The following NPHP3 variants were observed in gnomAD, a reference collection of about 807,000 sequenced individuals.
The protein encoded by NPHP3 is nephrocystin 3.
Under a neutral mutation model 171.9 loss-of-function variants are expected in NPHP3, and 123 were observed. The observed-to-expected ratio is 0.72, with a 90% CI of 0.62 to 0.83. NPHP3 has a LOEUF of 0.83. Among genes scored for constraint, NPHP3 ranks in the 40% least tolerant of loss-of-function variants. NPHP3 has a pLI of 0.00. For missense variants in NPHP3, 1,506 were observed against 1,591.9 expected, an observed-to-expected ratio of 0.95 and a Z score of 0.92; for synonymous variants, 558 against 579.2, an observed-to-expected ratio of 0.96 and a Z score of 0.52.
intron 14 of NPHP3, 29 bp from the exon 15 acceptor site, chr3:132,696,842 C>T: frequency 6.3e-7 from 1 of 1,595,178 alleles, no homozygotes. Flanking sequence ...AAAAACAAAA[C>T]AGAAATACAA....
rs1156623591 is a variant in NPHP3 at position 132,682,248 on chromosome 3, A to C, written c.3813-158T>G. ...AAGCAGACCAGTAAAACAACACCCA[A>C]ACTCTTCTCCTTTCTACCAGTATCA... On this transcript the variant is annotated intron_variant, in intron 26 of 26. Transcript: ENST00000337331. 6 of 665,662 alleles carry C rather than the reference A, an allele frequency of 9.0e-6. 1 individual carries two copies. The East Asian group carries it at 1.4e-4, about 15-fold the overall frequency. 41.2% of individuals were successfully genotyped at this position (665,662 alleles called of 1,614,324 possible).
rs1321179599 is a variant in NPHP3 at position 132,694,809 on chromosome 3, A to G, written c.2310+18T>C. ...AAAGCAAACTAACATTCCTTTTTAT[A>G]AGTTTATTACATTCTACCTGCTTCA... On this transcript the variant is annotated intron_variant, in intron 16 of 26. Coordinates refer to ENST00000337331, the MANE Select transcript of NPHP3 (RefSeq NM_153240.5). 6.2e-7 allele frequency: 1 copy of G among 1,611,440 alleles called. No homozygotes were observed. The highest frequency in any genetic ancestry group is 1.1e-5 in the South Asian group (1 of 91,062).
At chr3:132,696,675 G>T in intron 15 of NPHP3, 56 bp downstream of exon 15, 2 of 1,476,602 alleles carry the variant, frequency 1.4e-6, no homozygotes, top group Non-Finnish European at 9.5e-7. Context: ...GGGTGAGAAA[G>T]GGTCTGCAGC....
At chr3:132,700,282 A>G (rs1311734940) in intron 11 of NPHP3, 52 bp downstream of exon 11, 2 of 1,388,338 alleles carry the variant, frequency 1.4e-6, no homozygotes, top group Admixed American at 3.4e-5. Flanking sequence ...TAGTCCCAAC[A>G]ATTTCTGAAT....
intron 9 of NPHP3, among the ~76,000 whole-genome samples, chr3:132,701,771 C>G (rs1194264640): frequency 6.6e-6 from 1 of 152,150 alleles, no homozygotes; most frequent in African/African-American, 2.4e-5. Flanking sequence ...GCCTGTAATC[C>G]CAGCACTTTG....
Position 132,691,291 on chromosome 3 carries a change from GGAGAAAAAGAAGAAATACT to G in NPHP3, c.2476-24_2476-6del, listed in dbSNP as rs1455344497. On this transcript the variant is annotated splice_region_variant and splice_polypyrimidine_tract_variant and intron_variant, in intron 17 of 26. Transcript: ENST00000337331. ...CAATCTCACTGTTTCCCAAGCCTAGGGAGAAAAAGAAGAAATACTGAGTTCTATTTCACGTAAGTCACTG... is the reference window on the plus strand; with the variant it reads ...CAATCTCACTGTTTCCCAAGCCTAGGGAGTTCTATTTCACGTAAGTCACTG... 1 of 1,605,422 alleles carries G rather than the reference GGAGAAAAAGAAGAAATACT, an allele frequency of 6.2e-7. No homozygotes were observed. Among genetic ancestry groups the G allele is most frequent in the African/African-American group, 1.3e-5 (1 of 74,658 alleles).
At chr3:132,713,048 T>A in intron 6 of NPHP3, 78 bp downstream of exon 6, 1 of 700,314 alleles carries the variant, frequency 1.4e-6, no homozygotes. Context: ...ATAAAATTTA[T>A]CTTTGAAGCT....
At chr3:132,710,480 C>A (rs574689227) in intron 6 of NPHP3, among the ~76,000 whole-genome samples, 2 of 152,232 alleles carry the variant, frequency 1.3e-5, no homozygotes, top group Admixed American at 1.3e-4. Flanking sequence ...GAAAACCAGT[C>A]ACAGTCGCCC....
intron 7 of NPHP3, among the ~76,000 whole-genome samples, chr3:132,707,008 T>C (rs953415571): frequency 2.0e-5 from 3 of 152,218 alleles, no homozygotes; most frequent in Non-Finnish European, 4.4e-5. Flanking sequence ...GTATTCATAT[T>C]TGATTTTATT....
intron 22 of NPHP3, 44 bp from the exon 23 acceptor site, chr3:132,686,431 C>T: frequency 6.2e-7 from 1 of 1,612,492 alleles, no homozygotes; most frequent in African/African-American, 1.3e-5. Context: ...TAAGTAGGTG[C>T]AATCCTTGAT....
intron 3 of NPHP3, chr3:132,717,343 C>T: frequency 5.9e-6 from 1 of 169,728 alleles, no homozygotes. Context: ...AAACTCTTTG[C>T]AGCAGGAAGT....
intron 6 of NPHP3, 99 bp downstream of exon 6, chr3:132,713,027 A>G: frequency 3.5e-6 from 2 of 571,924 alleles, no homozygotes; most frequent in Non-Finnish European, 6.1e-6. Flanking sequence ...TTTTTTTATT[A>G]TAAGGATGCA....
At chr3:132,717,403 G>T in intron 3 of NPHP3, 1 of 158,292 alleles carries the variant, frequency 6.3e-6, no homozygotes, top group Admixed American at 6.2e-5. Context: ...TGAATCAATA[G>T]CTACTTATGA....
chr3:132,689,205 T>A lies in NPHP3; in HGVS notation c.2752A>T (p.Met918Leu). 6.2e-7 allele frequency: 1 copy of A among 1,614,174 alleles called. No individual in the cohort carries two copies. The highest frequency in any genetic ancestry group is 8.5e-7 in the Non-Finnish European group (1 of 1,179,988). The change falls in exon 20 of 27, where the codon ATG becomes TTG. Residue 918 changes from methionine (M) to leucine (L), a missense_variant. Met to Leu is a conservative substitution (Grantham distance 15). Coordinates refer to ENST00000337331, the MANE Select transcript of NPHP3 (RefSeq NM_153240.5). ...WQFVGKDKSAMATEYFDSLKQ... is the reference protein window; with the variant it reads ...WQFVGKDKSALATEYFDSLKQ... ...AATGAATCGAAGTATTCTGTTGCCATTGCACTTTTGTCTTTGCCAACAAAC... is the reference window on the plus strand; with the variant it reads ...AATGAATCGAAGTATTCTGTTGCCAATGCACTTTTGTCTTTGCCAACAAAC...
At chr3:132,682,657 C>G (rs369013343) in intron 26 of NPHP3, 46 bp downstream of exon 26, 7 of 1,098,558 alleles carry the variant, frequency 6.4e-6, no homozygotes, top group African/African-American at 1.5e-5. Flanking sequence ...GACAAAGCTA[C>G]TTCGAATAAA....
chr3:132,697,191 G>T, intron 14 of NPHP3, 69 bp downstream of exon 14: 1 of 1,070,722 alleles, frequency 9.3e-7, no homozygotes. Context: ...TGAATTTTAA[G>T]TCTCACATAA....
chr3:132,709,595 G>A (rs1576679918), intron 6 of NPHP3, among the ~76,000 whole-genome samples: 1 of 151,892 alleles, frequency 6.6e-6, no homozygotes, highest in Admixed American at 6.6e-5. Context: ...CATCTACTGG[G>A]GTTTTCTACA....
At chr3:132,705,979 C>T (rs1939737088) in intron 7 of NPHP3, among the ~76,000 whole-genome samples, 165 bp from the exon 8 acceptor site, 1 of 152,100 alleles carries the variant, frequency 6.6e-6, no homozygotes. Context: ...CTATTATTAT[C>T]CCCATTTTAT....
rs200754505 is a variant in NPHP3, at chr3:132,717,096, G to A, written c.671-187C>T. On this transcript the variant is annotated intron_variant, in intron 3 of 26. Coordinates refer to ENST00000337331, the MANE Select transcript of NPHP3 (RefSeq NM_153240.5). Reference sequence around the variant, plus strand: ...AAAGATACTGATTAACATAATTCTGGTTATCATCTCAAATTCAAAGAGAGG... The same window carrying A: ...AAAGATACTGATTAACATAATTCTGATTATCATCTCAAATTCAAAGAGAGG... 89 of 561,604 alleles carry A rather than the reference G, an allele frequency of 1.6e-4. No homozygotes were observed. In the Admixed American group the frequency reaches 1.9e-3, roughly 12 times the overall value. The allele number at this position is 561,604 out of a possible 1,614,324, so 34.8% of individuals were successfully genotyped here. A position where few individuals can be genotyped will look rare whatever the true frequency, so the allele number is the denominator to read the frequency against.
Sources: gnomAD v4.1 joint callset for allele counts (sites outside exome capture counted in the v4.1 genomes callset) on GRCh38, gnomAD v4.1.1 for gene constraint, MANE v1.5 for transcripts, NCBI Gene and HGNC (gene_info 2026-07-23, HGNC 2026-07-21) for gene names.